The following BAZ1A variants were observed in gnomAD, a reference collection of about 807,000 sequenced individuals.
BAZ1A encodes bromodomain adjacent to zinc finger domain 1A, also known as bromodomain adjacent to zinc finger domain protein 1A.
Under a neutral mutation model 185.2 loss-of-function variants are expected in BAZ1A, and 50 were observed. The observed-to-expected ratio is 0.27, with a 90% confidence interval of 0.22 to 0.34. The LOEUF is 0.34. Among genes scored for constraint, BAZ1A ranks in the 10% least tolerant of loss-of-function variants. BAZ1A has a pLI of 1.00. For synonymous variants in BAZ1A, 571 were observed against 615.6 expected (o/e 0.93, Z 1.07); for missense variants, 1,356 against 1,839.9 (o/e 0.74, Z 4.81).
At position 34,785,903 on chromosome 14, in the gene BAZ1A, C is replaced by T; in HGVS notation, c.1705G>A (p.Ala569Thr). 1.2e-6 allele frequency: 2 copies of T among 1,614,054 alleles called. No individual in the cohort carries two copies. The highest frequency in any genetic ancestry group is 1.7e-6 in the Non-Finnish European group (2 of 1,180,020). ...CCTCGTTTTTGATATCTATACTTTG[C>T]ATTTGCTGATGTTACATCAGCACCT... is the stretch of plus-strand genomic sequence containing the variant. ...ASGADVTSAN[A>T]KYRYQKRGGF... Residue 569 changes from alanine to threonine, a missense_variant, in exon 14 of 27, where the codon GCA becomes ACA. Physicochemically the swap from Ala to Thr is moderately conservative, Grantham distance 58. Transcript: ENST00000360310.
chr14:34,855,539 G>GCCC (rs2042663376), intron 3 of BAZ1A, among the ~76,000 whole-genome samples: 1 of 152,188 alleles, frequency 6.6e-6, no homozygotes, highest in East Asian at 1.9e-4. Context: ...CACAAGTGGA[G>GCCC]AATGCAGGGA....
In BAZ1A at chr14:34,752,761, A is replaced by G. The variant is rs558948698; in HGVS notation, c.*747T>C. On this transcript the variant is annotated 3_prime_UTR_variant, in exon 27 of 27. Transcript: ENST00000360310. Reference sequence around the variant, plus strand: ...TGAAAAAATGTTATTTTATTTGTACAGTTAAAAAGTTATACATAGAAACTT... The same window carrying G: ...TGAAAAAATGTTATTTTATTTGTACGGTTAAAAAGTTATACATAGAAACTT... 2.0e-5 allele frequency: 3 copies of G among 152,346 alleles called. No homozygotes were observed. Among genetic ancestry groups the G allele is most frequent in the Non-Finnish European group, 2.9e-5 (2 of 68,034 alleles). The allele number at this position is 152,346 out of a possible 1,614,324, so 9.4% of individuals were successfully genotyped here. A position where few individuals can be genotyped will look rare whatever the true frequency, so the allele number is the denominator to read the frequency against.
chr14:34,807,526 G>A lies in BAZ1A; in HGVS notation c.651C>T (p.His217=), dbSNP rs763141635. The change falls in exon 6 of 27, where the codon CAC becomes CAT. Residue 217 remains histidine (H), a synonymous_variant. Coordinates refer to ENST00000360310, the MANE Select transcript of BAZ1A (RefSeq NM_013448.3). The part of the protein sequence containing the change: ...VKATQISRRK[H]LFSRDKLKLF... ...GCTTTAGTTTATCACGAGAAAATAGGTGTTTTCTCCGGCTACAGGAGGCAA... is the reference window on the plus strand; with the variant it reads ...GCTTTAGTTTATCACGAGAAAATAGATGTTTTCTCCGGCTACAGGAGGCAA... The A allele has an allele frequency of 9.3e-6, 15 of 1,612,174 alleles. No homozygotes were observed. The highest frequency in any genetic ancestry group is 1.3e-5 in the Non-Finnish European group (15 of 1,178,776).
chr14:34,856,949 G>A (rs1364843311), intron 3 of BAZ1A, among the ~76,000 whole-genome samples: 2 of 149,502 alleles, frequency 1.3e-5, no homozygotes, highest in African/African-American at 4.9e-5. Context: ...AACAAGGCCT[G>A]ATTTGAGTGC....
chr14:34,798,724 T>C (rs1416090253), intron 9 of BAZ1A, among the ~76,000 whole-genome samples: 1 of 152,084 alleles, frequency 6.6e-6, no homozygotes, highest in Non-Finnish European at 1.5e-5. Context: ...CATTAAAAAG[T>C]CAGGAAACAA....
At position 34,762,457 on chromosome 14, in the gene BAZ1A, TA is replaced by T. The variant is rs1346583135; in HGVS notation, c.3777-235del. 4.0e-5 allele frequency among the ~76,000 whole-genome samples: 6 copies of T among 151,702 alleles called. No homozygotes were observed. The East Asian group carries it at 1.2e-3, about 29-fold the overall frequency. The stretch of plus-strand genomic sequence containing the variant: ...CAAAGAGAATTATCTGCAAAGAGAA[TA>T]TTTTATGTTTTCTTTTCTTTTCTTT... On this transcript the variant is annotated intron_variant, in intron 23 of 26. Coordinates refer to ENST00000360310, the MANE Select transcript of BAZ1A (RefSeq NM_013448.3).
At chr14:34,774,864 A>G (rs1879480192) in intron 18 of BAZ1A, among the ~76,000 whole-genome samples, 1 of 152,218 alleles carries the variant, frequency 6.6e-6, no homozygotes, top group African/African-American at 2.4e-5. Flanking sequence ...AAATGGGCAA[A>G]GGATCTGAAT....
At chr14:34,844,620 A>T (rs1040866782) in intron 3 of BAZ1A, among the ~76,000 whole-genome samples, 5 of 151,940 alleles carry the variant, frequency 3.3e-5, no homozygotes, top group African/African-American at 1.2e-4. Flanking sequence ...CTACAAAAAA[A>T]AAAAATTAAA....
chr14:34,799,756 C>T lies in BAZ1A; in HGVS notation c.1128+468G>A, dbSNP rs150896983. ...CCTCCTTCGTAGTTGGGATTACAGG[C>T]GCATACTACCATGCCCGGCTAAGTT... is the stretch of plus-strand genomic sequence containing the variant. On this transcript the variant is annotated intron_variant, in intron 9 of 26. Transcript: ENST00000360310. 1.3e-3 allele frequency among the ~76,000 whole-genome samples: 202 copies of T among 152,006 alleles called. 1 individual carries two copies. The highest frequency in any genetic ancestry group is 4.5e-3 in the African/African-American group (186 of 41,462).
At position 34,817,178 on chromosome 14, in the gene BAZ1A, G is replaced by C. The variant is rs372002179; in HGVS notation, c.537-6142C>G. Among the ~76,000 whole-genome samples the C allele has an allele frequency of 8.2e-4, 125 of 151,960 alleles. 3 individuals are homozygous for C. The South Asian group carries it at 0.025, about 30-fold the overall frequency. On this transcript the variant is annotated intron_variant, in intron 4 of 26. Transcript: ENST00000360310. ...TCCAGTCCTATTAAATAATAGCCAAGAAGTCAATTTTTAAATAAAATTTAC... is the reference window on the plus strand; with the variant it reads ...TCCAGTCCTATTAAATAATAGCCAACAAGTCAATTTTTAAATAAAATTTAC...
chr14:34,767,341 C>G (rs1479097657), intron 21 of BAZ1A, among the ~76,000 whole-genome samples: 4 of 152,012 alleles, frequency 2.6e-5, no homozygotes, highest in African/African-American at 9.7e-5. Flanking sequence ...CATGAGGCCA[C>G]GAGTTTGAGA....
rs2043030379 is a variant in BAZ1A at position 34,875,251 on chromosome 14, C to A, written c.-172G>T. 1 of 454,574 alleles carries A rather than the reference C, an allele frequency of 2.2e-6. No individual in the cohort carries two copies. Among genetic ancestry groups the A allele is most frequent in the African/African-American group, 2.0e-5 (1 of 50,130 alleles). The allele number at this position is 454,574 out of a possible 1,614,324, so 28.2% of individuals were successfully genotyped here. A position where few individuals can be genotyped will look rare whatever the true frequency, so the allele number is the denominator to read the frequency against. On this transcript the variant is annotated 5_prime_UTR_variant, in exon 1 of 27. Transcript: ENST00000360310. ...CCGGCCCCGCCGCGCCCCTGGCTGCCGCTTCTCCCGCTGCCACTGCCCGAC... is the reference window on the plus strand; with the variant it reads ...CCGGCCCCGCCGCGCCCCTGGCTGCAGCTTCTCCCGCTGCCACTGCCCGAC...
intron 3 of BAZ1A, among the ~76,000 whole-genome samples, chr14:34,861,645 TC>T (rs35815454): frequency 6.6e-6 from 1 of 152,176 alleles, no homozygotes; most frequent in Non-Finnish European, 1.5e-5. Flanking sequence ...AGATGGAACT[TC>T]CATATAATAG....
intron 3 of BAZ1A, among the ~76,000 whole-genome samples, chr14:34,832,191 TACACACACACACAC>T (rs57379319): frequency 2.1e-5 from 2 of 96,564 alleles, no homozygotes; most frequent in Non-Finnish European, 4.4e-5. Context: ...TATATACATA[TACACACACACACAC>T]ACACACACAC....
intron 20 of BAZ1A, among the ~76,000 whole-genome samples, chr14:34,772,653 C>T (rs1171832433): frequency 6.6e-6 from 1 of 152,186 alleles, no homozygotes; most frequent in East Asian, 1.9e-4. Flanking sequence ...CATTGTTGCT[C>T]AGGCTGGAGT....
At chr14:34,792,963 T>C (rs1421580712) in intron 11 of BAZ1A, 42 bp from the exon 12 acceptor site, 1 of 1,555,152 alleles carries the variant, frequency 6.4e-7, no homozygotes. Flanking sequence ...GTTCTGTTCA[T>C]GTACTGAAAA....
intron 4 of BAZ1A, among the ~76,000 whole-genome samples, chr14:34,825,393 G>A (rs1004607413): frequency 6.1e-5 from 8 of 131,506 alleles, no homozygotes; most frequent in Admixed American, 8.5e-5. Flanking sequence ...ACTTCAGTGA[G>A]CCGAGATTGC....
chr14:34,816,174 G>A (rs571897579), intron 4 of BAZ1A, among the ~76,000 whole-genome samples: 6 of 132,194 alleles, frequency 4.5e-5, no homozygotes, highest in East Asian at 4.6e-4. Flanking sequence ...TGCAACCTTC[G>A]ACTCCTGGGT....
In BAZ1A at chr14:34,834,993, T is replaced by C. The variant is rs183863847; in HGVS notation, c.393-8837A>G. Among the ~76,000 whole-genome samples, 27 of 150,466 alleles carry C rather than the reference T, an allele frequency of 1.8e-4. No individual in the cohort carries two copies. In the East Asian group the frequency reaches 2.7e-3, roughly 15 times the overall value. Reference sequence around the variant, plus strand: ...TAAATATGTAATTTACATATATGTCTCTCCTTATATATCAATCAACTCCAT... The same window carrying C: ...TAAATATGTAATTTACATATATGTCCCTCCTTATATATCAATCAACTCCAT... On this transcript the variant is annotated intron_variant, in intron 3 of 26. Coordinates refer to ENST00000360310, the MANE Select transcript of BAZ1A (RefSeq NM_013448.3).
Sources: allele counts gnomAD v4.1 joint callset (sites outside exome capture counted in the v4.1 genomes callset), GRCh38; gene constraint gnomAD v4.1.1; transcripts MANE v1.5; gene names NCBI Gene and HGNC (gene_info 2026-07-23, HGNC 2026-07-21).